GMEB1: variants seen among roughly 807,000 people sequenced by gnomAD.
GMEB1 encodes the protein glucocorticoid modulatory element binding protein 1, also known as glucocorticoid modulatory element-binding protein 1.
In GMEB1, 6 loss-of-function variants were observed where a neutral mutation model predicts 52.4. The observed-to-expected ratio is 0.11, with a 90% CI of 0.06 to 0.23. The LOEUF (loss-of-function observed/expected upper bound fraction) is 0.23. Ranked by LOEUF, GMEB1 falls within the 10% of genes least tolerant of loss-of-function variation. The pLI, the probability that GMEB1 is intolerant of heterozygous loss-of-function variation, is 1.00. For missense variants in GMEB1, 486 were observed against 685.6 expected, an observed-to-expected ratio of 0.71 and a Z score of 3.25; for synonymous variants, 255 against 244.9, an observed-to-expected ratio of 1.04 and a Z score of -0.38.
intron 5 of GMEB1, among the ~76,000 whole-genome samples, chr1:28,695,831 T>C (rs371446763): frequency 2.9e-5 from 4 of 137,110 alleles, no homozygotes; most frequent in South Asian, 2.4e-4. Context: ...CCCAGCTACT[T>C]GGGAGGCTGA....
chr1:28,696,031 C>A (rs942957084), intron 5 of GMEB1, among the ~76,000 whole-genome samples: 11 of 135,374 alleles, frequency 8.1e-5, no homozygotes, highest in African/African-American at 3.0e-4. Flanking sequence ...GAAGGAATAT[C>A]TTTATTTTTA....
chr1:28,675,679 C>CAAAAA (rs11316891), intron 1 of GMEB1, among the ~76,000 whole-genome samples: 3 of 100,116 alleles, frequency 3.0e-5, no homozygotes, highest in Non-Finnish European at 4.0e-5. Context: ...GACTCTGTCT[C>CAAAAA]AAAAAAAAAA....
Position 28,701,349 on chromosome 1 carries a change from A to G in GMEB1, c.599-1089A>G, listed in dbSNP as rs535346081. On this transcript the variant is annotated intron_variant, in intron 6 of 9. Transcript: ENST00000373816. The stretch of plus-strand genomic sequence containing the variant: ...CAGTGGCGCGATCTCGGCTCACTGC[A>G]AGCTCCGCCTCCCGGGTTCACGCCA... Among the ~76,000 whole-genome samples, 9 of 140,586 alleles carry G rather than the reference A, an allele frequency of 6.4e-5. No individual in the cohort carries two copies. The South Asian group carries it at 2.1e-3, about 33-fold the overall frequency. The allele number at this position is 140,586 out of a possible 152,430, so 92.2% of individuals were successfully genotyped here.
At chr1:28,681,883 T>C (rs1669407108) in intron 1 of GMEB1, among the ~76,000 whole-genome samples, 1 of 152,052 alleles carries the variant, frequency 6.6e-6, no homozygotes, top group African/African-American at 2.4e-5. Context: ...TTTGTATTTT[T>C]AGTAGAGACA....
At chr1:28,668,919 C>T (rs1668737313) in intron 1 of GMEB1, 80 bp downstream of exon 1, 1 of 142,672 alleles carries the variant, frequency 7.0e-6, no homozygotes, top group Admixed American at 6.9e-5. Context: ...GCGCGGCGGC[C>T]GGCGAGGGCG....
At chr1:28,692,111 G>C (rs926085030) in intron 4 of GMEB1, among the ~76,000 whole-genome samples, 2 of 151,582 alleles carry the variant, frequency 1.3e-5, no homozygotes, top group African/African-American at 2.4e-5. Context: ...CCTGGGTTCA[G>C]GTGATTCTCC....
chr1:28,683,733 C>G lies in GMEB1; in HGVS notation c.121C>G (p.Gln41Glu), dbSNP rs375751705. 9.9e-6 allele frequency: 16 copies of G among 1,612,172 alleles called. No homozygotes were observed. Among genetic ancestry groups the G allele is most frequent in the South Asian group, 7.7e-5 (7 of 90,660 alleles). ...TQVILQLQPVQQGIYEAGSEN... is the reference protein window; with the variant it reads ...TQVILQLQPVEQGIYEAGSEN... ...AGTGATTTTGCAGTTACAGCCTGTG[C>G]AACAAGGGTAAGTGGCTAGAGATTT... The change falls in exon 2 of 10, where the codon CAA becomes GAA. Residue 41 changes from glutamine (Q) to glutamate (E), a missense_variant. Gln to Glu is a conservative substitution (Grantham distance 29). Around this residue, in one of 5 missense-constraint regions of GMEB1, gnomAD observed 88 missense variants for 96.5 expected, o/e 0.91. Transcript: ENST00000373816.
chr1:28,692,016 C>CTT (rs1263190636), intron 4 of GMEB1, among the ~76,000 whole-genome samples: 2,864 of 133,958 alleles, frequency 0.021, 115 homozygotes, highest in African/African-American at 0.075. Context: ...CCTTGGCTTT[C>CTT]TTTTTTTTTT....
In GMEB1 at chr1:28,710,571, T is replaced by C; in HGVS notation, c.920T>C (p.Val307Ala). ...CACACATTTGGCCTAATGGACACAGTCAAGAAGGTTTTAGACAACAGAAGG... is the reference window on the plus strand; with the variant it reads ...CACACATTTGGCCTAATGGACACAGCCAAGAAGGTTTTAGACAACAGAAGG... Reference protein sequence around the residue: ...VAHTFGLMDTVKKVLDNRRNQ... With the variant: ...VAHTFGLMDTAKKVLDNRRNQ... The change falls in exon 9 of 10, where the codon GTC becomes GCC. Residue 307 changes from valine (V) to alanine (A), a missense_variant. Physicochemically the swap from Val to Ala is moderately conservative, Grantham distance 64. Coordinates refer to ENST00000373816, the MANE Select transcript of GMEB1 (RefSeq NM_001319674.2). The C allele has an allele frequency of 6.2e-7, 1 of 1,611,180 alleles. No individual in the cohort carries two copies. Among genetic ancestry groups the C allele is most frequent in the Non-Finnish European group, 8.5e-7 (1 of 1,178,364 alleles).
intron 8 of GMEB1, among the ~76,000 whole-genome samples, chr1:28,707,653 G>C (rs767314140): frequency 7.9e-5 from 12 of 152,134 alleles, no homozygotes; most frequent in Non-Finnish European, 1.8e-4. Flanking sequence ...CAGTTTTAGA[G>C]AGGAAATAAA....
intron 1 of GMEB1, among the ~76,000 whole-genome samples, chr1:28,675,720 A>T (rs1669124542): frequency 6.6e-6 from 1 of 152,040 alleles, no homozygotes; most frequent in South Asian, 2.1e-4. Flanking sequence ...GTTTAAATTA[A>T]AAAAAGAAAA....
At chr1:28,702,876 C>T (rs1354401191) in intron 7 of GMEB1, among the ~76,000 whole-genome samples, 1 of 151,926 alleles carries the variant, frequency 6.6e-6, no homozygotes, top group Non-Finnish European at 1.5e-5. Flanking sequence ...ACAGTGAAAC[C>T]CCGTCTCTAC....
intron 1 of GMEB1, among the ~76,000 whole-genome samples, chr1:28,673,334 GTA>G (rs1400705260): frequency 1.3e-5 from 2 of 151,976 alleles, no homozygotes; most frequent in Non-Finnish European, 2.9e-5. Flanking sequence ...TTGTCTCACT[GTA>G]ACCTCCGCCT....
intron 6 of GMEB1, among the ~76,000 whole-genome samples, chr1:28,697,990 ATT>A (rs1186084492): frequency 2.0e-5 from 3 of 152,036 alleles, no homozygotes; most frequent in Non-Finnish European, 2.9e-5. Context: ...ATACAAAAAA[ATT>A]AGCCAGGTGT....
intron 2 of GMEB1, among the ~76,000 whole-genome samples, chr1:28,684,452 A>C (rs1471144738): frequency 6.6e-6 from 1 of 151,666 alleles, no homozygotes; most frequent in East Asian, 1.9e-4. Flanking sequence ...AGTCCCAGCT[A>C]CTTGGGAGGG....
intron 1 of GMEB1, among the ~76,000 whole-genome samples, chr1:28,670,572 A>G (rs1668838361): frequency 6.6e-6 from 1 of 151,896 alleles, no homozygotes; most frequent in African/African-American, 2.4e-5. Flanking sequence ...AGGTGATCCC[A>G]CATCCTCAGC....
At chr1:28,704,431 A>C in intron 8 of GMEB1, 102 bp downstream of exon 8, 3 of 871,874 alleles carry the variant, frequency 3.4e-6, no homozygotes, top group Non-Finnish European at 3.3e-6. Flanking sequence ...AGGTATTATT[A>C]TCTTAATTTT....
At chr1:28,675,811 G>GA (rs1213204524) in intron 1 of GMEB1, among the ~76,000 whole-genome samples, 1 of 152,146 alleles carries the variant, frequency 6.6e-6, no homozygotes, top group African/African-American at 2.4e-5. Context: ...CTTGCCTCAG[G>GA]AGTTTTTGTT....
At chr1:28,675,978 T>C (rs1412424015) in intron 1 of GMEB1, among the ~76,000 whole-genome samples, 3 of 152,184 alleles carry the variant, frequency 2.0e-5, no homozygotes. Flanking sequence ...AATTGCCATG[T>C]TGAATCAGAC....
Sources: allele counts gnomAD v4.1 joint callset (sites outside exome capture counted in the v4.1 genomes callset), GRCh38; gene constraint gnomAD v4.1.1; regional missense constraint gnomAD v4.1.1; transcripts MANE v1.5; gene names NCBI Gene and HGNC (gene_info 2026-07-23, HGNC 2026-07-21).